IPMK: variants seen among roughly 807,000 people sequenced by gnomAD.
IPMK encodes the protein inositol 1,3,4,6-tetrakisphosphate 5-kinase.
Under a neutral mutation model 45.8 loss-of-function variants are expected in IPMK, and 17 were observed. The observed-to-expected ratio is 0.37, with a 90% confidence interval of 0.25 to 0.56. The LOEUF is 0.56. Among genes scored for constraint, IPMK ranks in the 20% least tolerant of loss-of-function variants. The pLI, the probability that IPMK is intolerant of heterozygous loss-of-function variation, is 0.79. For missense variants in IPMK, 399 were observed against 498.0 expected (o/e 0.80, Z 1.89); for synonymous variants, 180 against 184.3 (o/e 0.98, Z 0.19).
At chr10:58,201,007 A>G (rs985590455) in intron 4 of IPMK, among the ~76,000 whole-genome samples, 1 of 150,920 alleles carries the variant, frequency 6.6e-6, no homozygotes, top group Non-Finnish European at 1.5e-5. Flanking sequence ...AAAAATAGAG[A>G]AAAAAAACTG....
chr10:58,198,051 AAAAAAC>A (rs1837935541), intron 5 of IPMK, among the ~76,000 whole-genome samples: 1 of 152,180 alleles, frequency 6.6e-6, no homozygotes, highest in South Asian at 2.1e-4. Context: ...AAAACAAAAC[AAAAAAC>A]AAAAACTTGC....
Position 58,191,711 on chromosome 10 carries a change from C to T in IPMK, c.*4365G>A, listed in dbSNP as rs528243492. 69 of 151,194 alleles carry T rather than the reference C, an allele frequency of 4.6e-4. No homozygotes were observed. Among genetic ancestry groups the T allele is most frequent in the African/African-American group, 1.6e-3 (66 of 40,858 alleles). The allele number at this position is 151,194 out of a possible 1,614,324, so 9.4% of individuals were successfully genotyped here. A position where few individuals can be genotyped will look rare whatever the true frequency, so the allele number is the denominator to read the frequency against. On this transcript the variant is annotated 3_prime_UTR_variant, in exon 6 of 6. Transcript: ENST00000373935. ...ATTACAAACACATTTAAAAAAAAAC[C>T]CTAAAGACATTTATACATTTAAACC...
rs374269923 is a variant in IPMK, at chr10:58,267,588, G to C, written c.24C>G (p.Pro8=). Residue 8 remains proline (P), a synonymous_variant, in exon 1 of 6, where the codon CCC becomes CCG. Transcript: ENST00000373935. ...GGGGGCCCGGCGCCTCGACCCGGAG[G>C]GGGGATGGTGGCTCTGTTGCCATAA... is the stretch of plus-strand genomic sequence containing the variant. MATEPPS[P]LRVEAPGPPE... 86 of 1,603,252 alleles carry C rather than the reference G, an allele frequency of 5.4e-5. No individual in the cohort carries two copies. The highest frequency in any genetic ancestry group is 1.0e-4 in the South Asian group (9 of 90,056).
At chr10:58,230,163 G>C (rs569183560) in intron 2 of IPMK, among the ~76,000 whole-genome samples, 65 of 152,208 alleles carry the variant, frequency 4.3e-4, no homozygotes, top group South Asian at 1.2e-3. Flanking sequence ...GCTCGAACTG[G>C]GTGGAGCCCA....
chr10:58,222,050 AATTTTTAAAATTTATTGT>A (rs1838345584), intron 3 of IPMK, among the ~76,000 whole-genome samples: 1 of 151,990 alleles, frequency 6.6e-6, no homozygotes, highest in Admixed American at 6.6e-5. Context: ...CACCTGGCCT[AATTTTTAAAATTTATTGT>A]AGATATAGAG....
chr10:58,203,285 G>T (rs1769047), intron 4 of IPMK, among the ~76,000 whole-genome samples: 51,499 of 152,088 alleles, frequency 0.34, 10,969 homozygotes, highest in African/African-American at 0.61. Context: ...ATGATAAACC[G>T]TGAATGGATG....
At chr10:58,200,482 A>G (rs1387957839) in intron 4 of IPMK, among the ~76,000 whole-genome samples, 2 of 152,172 alleles carry the variant, frequency 1.3e-5, no homozygotes, top group African/African-American at 4.8e-5. Flanking sequence ...AAATAAATAA[A>G]TAAGAGCCAA....
At position 58,196,021 on chromosome 10, in the gene IPMK, A is replaced by C. The variant is rs143112440; in HGVS notation, c.*55T>G. The C allele has an allele frequency of 6.9e-4, 1,044 of 1,505,898 alleles. 9 individuals are homozygous for C. In the African/African-American group the frequency reaches 0.013, roughly 18 times the overall value. 93.3% of individuals were successfully genotyped at this position (1,505,898 alleles called of 1,614,324 possible). A position where few individuals can be genotyped will look rare whatever the true frequency, so the allele number is the denominator to read the frequency against. ...CATAGCATTAAAGGTGCAGATATTG[A>C]CTGCCCCTCTTCATTATGATTGGCC... On this transcript the variant is annotated 3_prime_UTR_variant, in exon 6 of 6. Coordinates refer to ENST00000373935, the MANE Select transcript of IPMK (RefSeq NM_152230.5).
chr10:58,210,321 A>G (rs951127809), intron 4 of IPMK, among the ~76,000 whole-genome samples: 18 of 152,154 alleles, frequency 1.2e-4, no homozygotes, highest in Admixed American at 3.3e-4. Context: ...CCTGCATGTG[A>G]AACACAGACC....
chr10:58,217,688 CAAAAAAAAA>C (rs11393849), intron 3 of IPMK, among the ~76,000 whole-genome samples: 3 of 49,266 alleles, frequency 6.1e-5, no homozygotes, highest in Admixed American at 2.6e-4. Flanking sequence ...AACTCCATCT[CAAAAAAAAA>C]AAAAAAAAAA....
intron 4 of IPMK, chr10:58,212,871 A>C: frequency 4.3e-6 from 1 of 234,556 alleles, no homozygotes. Context: ...CGGGACCTTC[A>C]GCAGAGGCAT....
intron 4 of IPMK, among the ~76,000 whole-genome samples, chr10:58,210,451 C>T (rs1481926310): frequency 6.6e-6 from 1 of 152,154 alleles, no homozygotes; most frequent in African/African-American, 2.4e-5. Context: ...TTCCCATTTG[C>T]CCCTGCATTC....
chr10:58,231,306 T>C (rs193176125), intron 2 of IPMK, among the ~76,000 whole-genome samples: 3 of 152,128 alleles, frequency 2.0e-5, no homozygotes, highest in Admixed American at 6.5e-5. Flanking sequence ...GGCCAACATT[T>C]AAATTCAGGA....
In IPMK at chr10:58,231,073, T is replaced by A. The variant is rs182975599; in HGVS notation, c.277-3934A>T. The stretch of plus-strand genomic sequence containing the variant: ...CAATTCAATCAAGTGGAAGAAAGGG[T>A]ATTGGTGATTGAAGAACAAATCAAT... On this transcript the variant is annotated intron_variant, in intron 2 of 5. Coordinates refer to ENST00000373935, the MANE Select transcript of IPMK (RefSeq NM_152230.5). Among the ~76,000 whole-genome samples the A allele has an allele frequency of 2.5e-3, 373 of 152,230 alleles. 3 individuals carry two copies. Among genetic ancestry groups the A allele is most frequent in the African/African-American group, 8.5e-3 (355 of 41,528 alleles).
At chr10:58,263,207 C>T (rs898983576) in intron 1 of IPMK, among the ~76,000 whole-genome samples, 5 of 150,820 alleles carry the variant, frequency 3.3e-5, no homozygotes, top group African/African-American at 1.2e-4. Flanking sequence ...GCAACAAAGC[C>T]AGATCCCATC....
At chr10:58,227,253 G>C (rs927683625) in intron 2 of IPMK, 114 bp from the exon 3 acceptor site, 81 of 756,606 alleles carry the variant, frequency 1.1e-4, no homozygotes, top group Admixed American at 6.1e-4. Context: ...GGCTTCAATT[G>C]CAAGTAAATT....
At chr10:58,207,438 A>G (rs1369478107) in intron 4 of IPMK, among the ~76,000 whole-genome samples, 2 of 152,220 alleles carry the variant, frequency 1.3e-5, no homozygotes, top group African/African-American at 4.8e-5. Flanking sequence ...TGGGATTGCT[A>G]GATCGAATGG....
intron 3 of IPMK, among the ~76,000 whole-genome samples, chr10:58,220,782 A>G (rs1838320624): frequency 6.6e-6 from 1 of 152,216 alleles, no homozygotes; most frequent in African/African-American, 2.4e-5. Flanking sequence ...GAAGAGTTGA[A>G]ATCGCATTAC....
chr10:58,254,124 C>T (rs1485885981), intron 1 of IPMK, among the ~76,000 whole-genome samples: 2 of 152,056 alleles, frequency 1.3e-5, no homozygotes, highest in Non-Finnish European at 2.9e-5. Flanking sequence ...TCAAATATAC[C>T]TTCTAGGCCT....
Sources: allele counts gnomAD v4.1 joint callset (sites outside exome capture counted in the v4.1 genomes callset), GRCh38; gene constraint gnomAD v4.1.1; transcripts MANE v1.5; gene names NCBI Gene and HGNC (gene_info 2026-07-23, HGNC 2026-07-21).